The following RADX variants were observed in gnomAD, a reference collection of about 807,000 sequenced individuals.
RADX encodes the protein RPA1 related single stranded DNA binding protein, X-linked, also known as RPA-related protein RADX.
In RADX, 36 loss-of-function variants were observed where a neutral mutation model predicts 61.6. The ratio of observed to expected loss-of-function variants is 0.58; its 90% CI spans 0.45 to 0.77. The LOEUF is 0.77. RADX is among the 30% of genes least tolerant of loss of function. RADX has a pLI of 0.00. For missense variants in RADX, 497 were observed against 651.1 expected (o/e 0.76, Z 2.58); for synonymous variants, 272 against 237.9 (o/e 1.14, Z -1.32).
chrX:106,672,890 A>C, intron 13 of RADX, among the ~76,000 whole-genome samples: 1 of 109,204 alleles, frequency 9.2e-6, no homozygotes, highest in African/African-American at 3.3e-5. Flanking sequence ...GGCAGGAGGG[A>C]CCTCATCCAT....
chrX:106,674,298 C>T (rs190322722), intron 13 of RADX, among the ~76,000 whole-genome samples: 1 of 111,510 alleles, frequency 9.0e-6, no homozygotes, highest in Admixed American at 9.5e-5. Flanking sequence ...CCTTTGGATA[C>T]ATACCCAGTA....
At chrX:106,666,555 CAA>C (rs1324447970) in intron 12 of RADX, among the ~76,000 whole-genome samples, 1 of 111,651 alleles carries the variant, frequency 9.0e-6, no homozygotes, top group African/African-American at 3.3e-5. Context: ...AGGCTAATAC[CAA>C]GGAGGGAAAG....
chrX:106,627,682 C>CT (rs1927105161), intron 3 of RADX, among the ~76,000 whole-genome samples: 1 of 111,031 alleles, frequency 9.0e-6, no homozygotes, highest in Non-Finnish European at 1.9e-5. Context: ...ATGAGATTGA[C>CT]TTTTTTAGAT....
At chrX:106,662,646 G>C (rs1928128952) in intron 12 of RADX, among the ~76,000 whole-genome samples, 1 of 106,446 alleles carries the variant, frequency 9.4e-6, no homozygotes, top group Admixed American at 1.0e-4. Context: ...TTCATTCATC[G>C]GAACCACTGA....
chrX:106,659,487 A>G (rs2147636686), intron 11 of RADX, among the ~76,000 whole-genome samples: 1 of 111,948 alleles, frequency 8.9e-6, no homozygotes, highest in East Asian at 2.8e-4. Context: ...ATAATTGTAA[A>G]ATATAAAAAT....
At position 106,678,287 on chromosome X, in the gene RADX, A is replaced by G. The variant is rs1175582838; in HGVS notation, c.*29A>G. On this transcript the variant is annotated 3_prime_UTR_variant, in exon 14 of 14. Transcript: ENST00000372548. ...TTAGCAAATGAAATTATTACAGATT[A>G]TACGAGTGTACTGCTTTAAAGATAT... 6.7e-6 allele frequency: 7 copies of G among 1,042,824 alleles called. No individual in the cohort carries two copies. The highest frequency in any genetic ancestry group is 9.3e-6 in the Non-Finnish European group (7 of 753,433). 85.9% of individuals were successfully genotyped at this position (1,042,824 alleles called of 1,213,427 possible).
chrX:106,672,350 A>T (rs1296879199), intron 13 of RADX, among the ~76,000 whole-genome samples: 1 of 111,105 alleles, frequency 9.0e-6, no homozygotes, highest in Non-Finnish European at 1.9e-5. Flanking sequence ...CTGTCTCTAG[A>T]AATTTGCCTG....
intron 10 of RADX, among the ~76,000 whole-genome samples, chrX:106,644,323 G>A (rs1183615215): frequency 1.8e-5 from 2 of 111,060 alleles, no homozygotes; most frequent in Non-Finnish European, 3.8e-5. Context: ...AATAACAGGG[G>A]TGAAAGTGTG....
chrX:106,659,346 C>T (rs971617029), intron 11 of RADX, among the ~76,000 whole-genome samples: 1 of 111,731 alleles, frequency 9.0e-6, no homozygotes, highest in Non-Finnish European at 1.9e-5. Flanking sequence ...ACGATGCCTA[C>T]GTACATACGT....
At chrX:106,645,555 A>G (rs1027521362) in intron 10 of RADX, among the ~76,000 whole-genome samples, 1 of 111,671 alleles carries the variant, frequency 9.0e-6, no homozygotes, top group Non-Finnish European at 1.9e-5. Flanking sequence ...ATGTATTTGT[A>G]TAGTTTCCAA....
rs771350177 is a variant in RADX at position 106,632,925 on chromosome X, T to C, written c.1089-7T>C. On this transcript the variant is annotated splice_polypyrimidine_tract_variant and splice_region_variant and intron_variant, in intron 4 of 13. Coordinates refer to ENST00000372548, the MANE Select transcript of RADX (RefSeq NM_018015.6). The stretch of plus-strand genomic sequence containing the variant: ...AAAATATTAATTTAGTGATTTTACC[T>C]TTTTAGGTCAGAACTGGATGATATG... The C allele has an allele frequency of 4.2e-6, 5 of 1,184,454 alleles. No individual in the cohort carries two copies. The highest frequency in any genetic ancestry group is 3.7e-5 in the South Asian group (2 of 54,009).
intron 1 of RADX, among the ~76,000 whole-genome samples, chrX:106,614,863 A>G (rs919747650): frequency 1.8e-5 from 2 of 111,260 alleles, no homozygotes; most frequent in Non-Finnish European, 3.8e-5. Context: ...TAAAAAAAAA[A>G]GGTTTTAAAA....
At chrX:106,643,404 C>T (rs1280691861) in intron 10 of RADX, among the ~76,000 whole-genome samples, 1 of 111,081 alleles carries the variant, frequency 9.0e-6, no homozygotes, top group Non-Finnish European at 1.9e-5. Context: ...AATTTTTGCC[C>T]AGACGAATGT....
chrX:106,614,013 A>G (rs773576417), intron 1 of RADX, among the ~76,000 whole-genome samples: 2 of 112,244 alleles, frequency 1.8e-5, no homozygotes, highest in East Asian at 2.8e-4. Flanking sequence ...CTGTATGCCA[A>G]AATAAAACCC....
chrX:106,658,866 A>G, intron 11 of RADX, among the ~76,000 whole-genome samples: 1 of 111,609 alleles, frequency 9.0e-6, no homozygotes, highest in East Asian at 2.8e-4. Context: ...TCTGACTTTC[A>G]CTAGTCTTTA....
rs191808222 is a variant in RADX at position 106,659,070 on chromosome X, C to T, written c.1979-2945C>T. On this transcript the variant is annotated intron_variant, in intron 11 of 13. Coordinates refer to ENST00000372548, the MANE Select transcript of RADX (RefSeq NM_018015.6). Reference sequence around the variant, plus strand: ...CGACCTCCCAGGCTCAAGCAATCCTCCCACCTCAGCTACCAAGTAGATGGA... The same window carrying T: ...CGACCTCCCAGGCTCAAGCAATCCTTCCACCTCAGCTACCAAGTAGATGGA... Among the ~76,000 whole-genome samples, 11 of 111,014 alleles carry T rather than the reference C, an allele frequency of 9.9e-5. No individual in the cohort carries two copies. The East Asian group carries it at 3.1e-3, about 31-fold the overall frequency.
intron 12 of RADX, among the ~76,000 whole-genome samples, chrX:106,666,399 A>G (rs1169030584): frequency 1.8e-5 from 2 of 112,131 alleles, no homozygotes; most frequent in Non-Finnish European, 1.9e-5. Context: ...TTTAAAAGTC[A>G]AAAGATATAA....
intron 1 of RADX, among the ~76,000 whole-genome samples, chrX:106,620,838 A>C (rs1468538492): frequency 1.8e-5 from 2 of 112,153 alleles, no homozygotes; most frequent in Admixed American, 1.9e-4. Context: ...ATTACTATGA[A>C]TTTACACAAA....
intron 11 of RADX, among the ~76,000 whole-genome samples, chrX:106,657,438 C>G (rs1007705577): frequency 1.2e-4 from 14 of 112,319 alleles, no homozygotes; most frequent in African/African-American, 4.5e-4. Context: ...AGCACTTTTA[C>G]TTTCCTTCAA....
Sources: gnomAD v4.1 joint callset for allele counts (sites outside exome capture counted in the v4.1 genomes callset) on GRCh38, gnomAD v4.1.1 for gene constraint, MANE v1.5 for transcripts, NCBI Gene and HGNC (gene_info 2026-07-23, HGNC 2026-07-21) for gene names.